Variants in CTNNA3 observed in about 807,000 individuals in gnomAD.
The protein encoded by CTNNA3 is catenin alpha 3.
CTNNA3 carries 76 observed loss-of-function variants against 95.7 expected under a neutral mutation model. That is an observed-to-expected ratio of 0.79 (90% CI 0.66 to 0.96). The LOEUF (loss-of-function observed/expected upper bound fraction) is 0.96. CTNNA3 is among the 40% of genes least tolerant of loss of function. The probability of loss-of-function intolerance (pLI) is 0.00; values close to 1 mark genes in which losing one functional copy is unlikely to be tolerated. For synonymous variants in CTNNA3, 431 were observed against 374.4 expected (o/e 1.15, Z -1.74); for missense variants, 1,191 against 1,089.8 (o/e 1.09, Z -1.31).
intron 5 of CTNNA3, among the ~76,000 whole-genome samples, chr10:67,237,120 GTGTATGTATA>G (rs1319731061): frequency 2.6e-3 from 41 of 15,642 alleles, no homozygotes; most frequent in South Asian, 0.012. Flanking sequence ...AGAAACTATG[GTGTATGTATA>G]TATATATATA....
intron 9 of CTNNA3, among the ~76,000 whole-genome samples, chr10:66,745,673 T>TCCA (rs1838835065): frequency 7.0e-6 from 1 of 143,222 alleles, no homozygotes; most frequent in Non-Finnish European, 1.5e-5. Context: ...CACTGCAAGC[T>TCCA]CCACCTCCTG....
chr10:65,954,604 T>C (rs2077691724), intron 17 of CTNNA3, among the ~76,000 whole-genome samples: 2 of 152,232 alleles, frequency 1.3e-5, no homozygotes, highest in Admixed American at 6.5e-5. Flanking sequence ...TTTCTACATA[T>C]AACTAGCCAG....
intron 9 of CTNNA3, among the ~76,000 whole-genome samples, chr10:66,635,952 T>A (rs1176037233): frequency 1.3e-5 from 2 of 151,896 alleles, no homozygotes; most frequent in Non-Finnish European, 2.9e-5. Context: ...TCTCTGAGTA[T>A]AAATTGCCGA....
At chr10:66,361,280 A>AATG (rs2092672363) in intron 12 of CTNNA3, among the ~76,000 whole-genome samples, 1 of 150,546 alleles carries the variant, frequency 6.6e-6, no homozygotes, top group South Asian at 2.1e-4. Context: ...TCAAATTCAT[A>AATG]ATGTTTTAAA....
At chr10:66,978,552 A>AAAAAATATATATATATAT in intron 7 of CTNNA3, among the ~76,000 whole-genome samples, 19 of 37,882 alleles carry the variant, frequency 5.0e-4, no homozygotes, top group South Asian at 1.2e-3. Context: ...AAAAAAAAAA[A>AAAAAATATATATATATAT]ATATATATAT....
chr10:66,930,203 C>T (rs1033107615), intron 7 of CTNNA3, among the ~76,000 whole-genome samples: 1 of 152,092 alleles, frequency 6.6e-6, no homozygotes, highest in Non-Finnish European at 1.5e-5. Context: ...GTGGATTTCT[C>T]AAGGTACTTT....
intron 12 of CTNNA3, among the ~76,000 whole-genome samples, chr10:66,374,276 A>C (rs889782575): frequency 1.3e-5 from 2 of 152,180 alleles, no homozygotes; most frequent in Non-Finnish European, 2.9e-5. Flanking sequence ...ACTAGAGGAC[A>C]AGCTCATAGT....
intron 7 of CTNNA3, among the ~76,000 whole-genome samples, chr10:67,108,551 A>C (rs559251102): frequency 1.3e-4 from 20 of 152,326 alleles, no homozygotes; most frequent in African/African-American, 4.3e-4. Context: ...CTTATAGTGA[A>C]TAAATAATTG....
At chr10:67,726,750 A>T (rs182665748) in intron 1 of CTNNA3, among the ~76,000 whole-genome samples, 37 of 968 alleles carry the variant, frequency 0.038, no homozygotes, top group African/African-American at 0.12. Context: ...TATATATGAT[A>T]TATCATAGAA....
At chr10:67,027,047 A>G (rs1012820927) in intron 7 of CTNNA3, among the ~76,000 whole-genome samples, 1 of 152,226 alleles carries the variant, frequency 6.6e-6, no homozygotes, top group Non-Finnish European at 1.5e-5. Flanking sequence ...CAAAGGACTC[A>G]GCCAAATCTG....
chr10:67,281,791 C>T (rs188971763), intron 5 of CTNNA3, among the ~76,000 whole-genome samples: 6 of 152,070 alleles, frequency 3.9e-5, no homozygotes, highest in East Asian at 1.9e-4. Context: ...ATAAATATCC[C>T]ACCAGCCAAA....
chr10:67,180,649 G>C (rs112724476), intron 6 of CTNNA3, 129 bp from the exon 7 acceptor site: 11 of 709,400 alleles, frequency 1.6e-5, no homozygotes, highest in Non-Finnish European at 2.6e-5. Flanking sequence ...TTACTGCCTC[G>C]GCTGGTTCAC....
chr10:66,528,397 C>T (rs964725402), intron 10 of CTNNA3, among the ~76,000 whole-genome samples: 1 of 152,150 alleles, frequency 6.6e-6, no homozygotes, highest in Non-Finnish European at 1.5e-5. Flanking sequence ...AACCCTTGAA[C>T]ATCTAAACTA....
intron 5 of CTNNA3, among the ~76,000 whole-genome samples, chr10:67,277,182 C>T (rs186048944): frequency 2.2e-3 from 339 of 152,268 alleles, no homozygotes; most frequent in African/African-American, 7.9e-3. Flanking sequence ...AACTCTTAAA[C>T]TCATAATCCT....
rs1840064572 is a variant in CTNNA3, at chr10:67,524,110, A to G, written c.460-2149T>C. Among the ~76,000 whole-genome samples, 4 of 152,312 alleles carry G rather than the reference A, an allele frequency of 2.6e-5. No homozygotes were observed. The South Asian group carries it at 8.3e-4, about 32-fold the overall frequency. On this transcript the variant is annotated intron_variant, in intron 4 of 17. Coordinates refer to ENST00000433211, the MANE Select transcript of CTNNA3 (RefSeq NM_013266.4). The stretch of plus-strand genomic sequence containing the variant: ...CTTTAGAGCAAACACACTTGTAAAG[A>G]GTGTTCAAAATAGCCGGGCGCGGTG...
chr10:67,661,947 G>T (rs1840202989), intron 1 of CTNNA3, among the ~76,000 whole-genome samples: 1 of 152,148 alleles, frequency 6.6e-6, no homozygotes, highest in Non-Finnish European at 1.5e-5. Context: ...ACGTAAACTG[G>T]TACAGCCACT....
chr10:66,474,290 T>C (rs547487485), intron 11 of CTNNA3, among the ~76,000 whole-genome samples: 46 of 152,236 alleles, frequency 3.0e-4, no homozygotes, highest in African/African-American at 1.0e-3. Context: ...ATTTCACATA[T>C]GAGTGAGATC....
chr10:66,515,212 T>A (rs1312990670), intron 11 of CTNNA3, among the ~76,000 whole-genome samples: 1 of 152,034 alleles, frequency 6.6e-6, no homozygotes, highest in East Asian at 1.9e-4. Flanking sequence ...ATTCACACGT[T>A]TTCACAAATG....
intron 5 of CTNNA3, among the ~76,000 whole-genome samples, chr10:67,249,219 A>G (rs1866015046): frequency 6.6e-6 from 1 of 152,214 alleles, no homozygotes; most frequent in African/African-American, 2.4e-5. Context: ...TGGAATATAT[A>G]AAGAGCTATA....
Sources: gnomAD v4.1 joint callset for allele counts (sites outside exome capture counted in the v4.1 genomes callset) on GRCh38, gnomAD v4.1.1 for gene constraint, MANE v1.5 for transcripts, NCBI Gene and HGNC (gene_info 2026-07-23, HGNC 2026-07-21) for gene names.